The following DOCK3 variants were observed in gnomAD, a reference collection of about 807,000 sequenced individuals.
DOCK3 encodes the protein dedicator of cytokinesis 3, also known as dedicator of cytokinesis protein 3.
Under a neutral mutation model 265.6 loss-of-function variants are expected in DOCK3, and 60 were observed. The ratio of observed to expected loss-of-function variants is 0.23; its 90% CI spans 0.18 to 0.28. The LOEUF (loss-of-function observed/expected upper bound fraction) is 0.28, where lower values mean the gene tolerates loss of function less well. Ranked by LOEUF, DOCK3 falls within the 10% of genes least tolerant of loss-of-function variation. The pLI is 1.00. For missense variants in DOCK3, 1,981 were observed against 2,594.3 expected (o/e 0.76, Z 5.14); for synonymous variants, 881 against 938.0 (o/e 0.94, Z 1.11).
chr3:50,802,619 A>G (rs906696586), intron 2 of DOCK3, among the ~76,000 whole-genome samples: 4 of 151,996 alleles, frequency 2.6e-5, no homozygotes, highest in Non-Finnish European at 5.9e-5. Context: ...TTGGCCTGTA[A>G]GTTTTCTCCT....
chr3:51,020,252 G>A (rs1402102442), intron 5 of DOCK3, among the ~76,000 whole-genome samples: 2 of 89,116 alleles, frequency 2.2e-5, no homozygotes, highest in Non-Finnish European at 4.3e-5. Context: ...ATGTTTGTTG[G>A]CCGCCTGTGT....
At chr3:50,967,921 T>C (rs1176455005) in intron 5 of DOCK3, among the ~76,000 whole-genome samples, 1 of 152,172 alleles carries the variant, frequency 6.6e-6, no homozygotes, top group Admixed American at 6.5e-5. Context: ...CTGGGCCATA[T>C]GGTAGTTCTG....
At chr3:51,192,263 A>G (rs1473477119) in intron 12 of DOCK3, among the ~76,000 whole-genome samples, 5 of 151,438 alleles carry the variant, frequency 3.3e-5, no homozygotes, top group Admixed American at 6.6e-5. Context: ...TTTTTGGTAT[A>G]TGGTGAGAAA....
intron 21 of DOCK3, among the ~76,000 whole-genome samples, chr3:51,239,794 G>T (rs1463371915): frequency 6.6e-6 from 1 of 151,892 alleles, no homozygotes; most frequent in African/African-American, 2.4e-5. Context: ...TGGGGTCAAA[G>T]GGAATATCCC....
intron 4 of DOCK3, among the ~76,000 whole-genome samples, chr3:50,908,229 G>A (rs1010702929): frequency 1.4e-4 from 15 of 103,534 alleles, no homozygotes; most frequent in Admixed American, 4.9e-4. Flanking sequence ...TTTATTTCAC[G>A]TCTGCTCTGA....
rs371086620 is a variant in DOCK3 at position 51,360,577 on chromosome 3, C to G, written c.4951C>G (p.Leu1651Val). Reference sequence around the variant, plus strand: ...CACCAGCACCCCACGGGGAAATGTTCTGGCATCCCATAGCCCCATGAGTCC... The same window carrying G: ...CACCAGCACCCCACGGGGAAATGTTGTGGCATCCCATAGCCCCATGAGTCC... ...SGTSTPRGNVLASHSPMSPES... is the reference protein window; with the variant it reads ...SGTSTPRGNVVASHSPMSPES... The change falls in exon 47 of 53, where the codon CTG becomes GTG. Residue 1651 changes from leucine (L) to valine (V), a missense_variant. This residue lies in a region of DOCK3 where 1,357 missense variants were observed against 1,866.8 expected (regional missense o/e 0.73). Transcript: ENST00000266037. The G allele has an allele frequency of 1.2e-6, 2 of 1,613,762 alleles. No homozygotes were observed. The highest frequency in any genetic ancestry group is 1.7e-6 in the Non-Finnish European group (2 of 1,179,802).
chr3:51,322,189 C>CTTTTGTTTTTGT (rs762396054), intron 32 of DOCK3, among the ~76,000 whole-genome samples: 1 of 151,958 alleles, frequency 6.6e-6, no homozygotes, highest in Non-Finnish European at 1.5e-5. Context: ...ATTCAACATT[C>CTTTTGTTTTTGT]TTTTGTTTTT....
At chr3:51,181,427 G>C (rs1292158077) in intron 12 of DOCK3, among the ~76,000 whole-genome samples, 1 of 151,590 alleles carries the variant, frequency 6.6e-6, no homozygotes, top group East Asian at 1.9e-4. Flanking sequence ...TGAGAATGAT[G>C]GTTTCCAGCT....
At chr3:50,884,201 C>T (rs1575443203) in intron 3 of DOCK3, among the ~76,000 whole-genome samples, 2 of 152,026 alleles carry the variant, frequency 1.3e-5, no homozygotes, top group East Asian at 3.9e-4. Flanking sequence ...AGCGATTCTC[C>T]TGTCTCAGCC....
At chr3:50,730,475 A>C (rs2038128937) in intron 1 of DOCK3, among the ~76,000 whole-genome samples, 1 of 152,178 alleles carries the variant, frequency 6.6e-6, no homozygotes, top group African/African-American at 2.4e-5. Context: ...ACAGAGGACG[A>C]AACATTTTCT....
In DOCK3 at chr3:50,997,898, G is replaced by A. The variant is rs1351003402; in HGVS notation, c.315+63821G>A. On this transcript the variant is annotated intron_variant, in intron 5 of 52. Coordinates refer to ENST00000266037, the MANE Select transcript of DOCK3 (RefSeq NM_004947.5). ...CTTAAAATAAAGCAGACTGGAAAGA[G>A]CTTTTTTATTTTCTGTAGAAGACTT... 9.9e-5 allele frequency among the ~76,000 whole-genome samples: 15 copies of A among 152,220 alleles called. No homozygotes were observed. The South Asian group carries it at 2.7e-3, about 27-fold the overall frequency.
At chr3:50,985,881 C>G (rs2077882106) in intron 5 of DOCK3, among the ~76,000 whole-genome samples, 1 of 151,808 alleles carries the variant, frequency 6.6e-6, no homozygotes, top group Non-Finnish European at 1.5e-5. Flanking sequence ...TGTATTGTCT[C>G]TGTACGACAG....
At chr3:50,966,655 A>G (rs1213710482) in intron 5 of DOCK3, among the ~76,000 whole-genome samples, 1 of 152,152 alleles carries the variant, frequency 6.6e-6, no homozygotes, top group Non-Finnish European at 1.5e-5. Flanking sequence ...ATCTATAGAC[A>G]GATGTGGTAA....
At chr3:51,106,805 A>C (rs575785091) in intron 9 of DOCK3, among the ~76,000 whole-genome samples, 1 of 152,304 alleles carries the variant, frequency 6.6e-6, no homozygotes, top group Admixed American at 6.5e-5. Flanking sequence ...CCATACTTCA[A>C]ATGCTTGAAT....
At chr3:50,711,115 G>T (rs555753975) in intron 1 of DOCK3, among the ~76,000 whole-genome samples, 1 of 152,098 alleles carries the variant, frequency 6.6e-6, no homozygotes, top group Non-Finnish European at 1.5e-5. Context: ...AATAAAAAAG[G>T]CCACTGGCTT....
intron 35 of DOCK3, among the ~76,000 whole-genome samples, chr3:51,336,099 A>G (rs1017650986): frequency 2.6e-5 from 4 of 152,220 alleles, no homozygotes; most frequent in Non-Finnish European, 5.9e-5. Flanking sequence ...GTTTTAAAAT[A>G]CATACATTGA....
At chr3:51,357,523 A>C (rs1245934232) in intron 44 of DOCK3, among the ~76,000 whole-genome samples, 1 of 152,156 alleles carries the variant, frequency 6.6e-6, no homozygotes, top group African/African-American at 2.4e-5. Flanking sequence ...TCCAGGCTCC[A>C]TGAGGGACTG....
intron 9 of DOCK3, among the ~76,000 whole-genome samples, chr3:51,126,556 GA>G (rs1283247890): frequency 6.6e-6 from 1 of 152,164 alleles, no homozygotes; most frequent in East Asian, 1.9e-4. Context: ...ATTATGACCT[GA>G]ATGTTGGAGA....
intron 4 of DOCK3, among the ~76,000 whole-genome samples, chr3:50,933,371 T>C (rs568068268): frequency 1.3e-5 from 2 of 152,380 alleles, no homozygotes; most frequent in East Asian, 1.9e-4. Context: ...ACTGGCATTA[T>C]AGTGGATGCT....
Sources: allele counts gnomAD v4.1 joint callset (sites outside exome capture counted in the v4.1 genomes callset), GRCh38; gene constraint gnomAD v4.1.1; regional missense constraint gnomAD v4.1.1; transcripts MANE v1.5; gene names NCBI Gene and HGNC (gene_info 2026-07-23, HGNC 2026-07-21).